The following GLRB variants were observed in gnomAD, a reference collection of about 807,000 sequenced individuals.
GLRB encodes the protein glycine receptor subunit beta.
In GLRB, 33 loss-of-function variants were observed where a neutral mutation model predicts 54.2. That is an observed-to-expected ratio of 0.61 (90% confidence interval 0.46 to 0.81). GLRB has a LOEUF of 0.81. Among genes scored for constraint, GLRB ranks in the 40% least tolerant of loss-of-function variants. GLRB has a pLI of 0.00. For missense variants in GLRB, 572 were observed against 584.6 expected (o/e 0.98, Z 0.22); for synonymous variants, 209 against 208.2 (o/e 1.00, Z -0.03).
At chr4:157,104,819 T>C (rs1735161343) in intron 2 of GLRB, among the ~76,000 whole-genome samples, 1 of 152,006 alleles carries the variant, frequency 6.6e-6, no homozygotes, top group Non-Finnish European at 1.5e-5. Flanking sequence ...TCATTTCTTC[T>C]AGATTATCCA....
intron 8 of GLRB, among the ~76,000 whole-genome samples, chr4:157,145,979 G>A (rs1050482767): frequency 3.3e-5 from 5 of 152,026 alleles, no homozygotes; most frequent in Admixed American, 6.6e-5. Context: ...CAGCGATGAG[G>A]GGTGGACTAT....
chr4:157,099,694 C>T (rs1734946098), intron 2 of GLRB, among the ~76,000 whole-genome samples: 3 of 152,066 alleles, frequency 2.0e-5, no homozygotes. Context: ...ATCTGTTGGG[C>T]ACATATCCAA....
At chr4:157,158,448 A>G (rs1006643112) in intron 9 of GLRB, among the ~76,000 whole-genome samples, 1 of 151,984 alleles carries the variant, frequency 6.6e-6, no homozygotes, top group South Asian at 2.1e-4. Flanking sequence ...TTTCTTCTAG[A>G]GTTTTTATGA....
At chr4:157,154,991 T>C (rs995066633) in intron 9 of GLRB, among the ~76,000 whole-genome samples, 2 of 152,222 alleles carry the variant, frequency 1.3e-5, no homozygotes, top group East Asian at 3.8e-4. Flanking sequence ...AGCCACATTA[T>C]AGTTTTTGCA....
chr4:157,087,481 C>T (rs1024776730), intron 2 of GLRB, among the ~76,000 whole-genome samples: 4 of 151,984 alleles, frequency 2.6e-5, no homozygotes, highest in Non-Finnish European at 4.4e-5. Flanking sequence ...TGATACAATG[C>T]GGTTTTGTTT....
intron 8 of GLRB, among the ~76,000 whole-genome samples, chr4:157,149,656 TAAC>T (rs1303024690): frequency 2.6e-5 from 4 of 152,066 alleles, no homozygotes; most frequent in Non-Finnish European, 5.9e-5. Context: ...TTCATTTTAT[TAAC>T]AACAATTTCA....
intron 9 of GLRB, among the ~76,000 whole-genome samples, chr4:157,158,035 G>A (rs1737304050): frequency 6.6e-6 from 1 of 152,108 alleles, no homozygotes; most frequent in African/African-American, 2.4e-5. Flanking sequence ...CATTCTAACT[G>A]GTGTGAAATG....
At chr4:157,153,635 G>A (rs771604271) in intron 9 of GLRB, among the ~76,000 whole-genome samples, 5 of 152,156 alleles carry the variant, frequency 3.3e-5, no homozygotes, top group Admixed American at 2.0e-4. Context: ...AATTAATTAT[G>A]GGTTTAAGAA....
At chr4:157,116,924 C>T (rs1221491347) in intron 2 of GLRB, among the ~76,000 whole-genome samples, 2 of 151,430 alleles carry the variant, frequency 1.3e-5, no homozygotes, top group Admixed American at 6.6e-5. Context: ...AGAAAAGGGG[C>T]CATATGATAT....
intron 6 of GLRB, among the ~76,000 whole-genome samples, chr4:157,137,362 A>C (rs541921584): frequency 6.6e-6 from 1 of 152,100 alleles, no homozygotes; most frequent in Admixed American, 6.5e-5. Context: ...TTGATCATAT[A>C]TTTTTCATTT....
chr4:157,098,782 A>G (rs1734909779), intron 2 of GLRB, among the ~76,000 whole-genome samples: 2 of 151,280 alleles, frequency 1.3e-5, no homozygotes, highest in Non-Finnish European at 2.9e-5. Flanking sequence ...TTTTTTTTGT[A>G]TTTTTAATAG....
At chr4:157,159,818 G>T (rs1046624426) in intron 9 of GLRB, among the ~76,000 whole-genome samples, 3 of 152,124 alleles carry the variant, frequency 2.0e-5, no homozygotes, top group Admixed American at 6.5e-5. Context: ...GCTCTGCCAG[G>T]CTTTGGTATC....
chr4:157,152,189 A>G lies in GLRB; in HGVS notation c.905-529A>G, dbSNP rs769660407. Among the ~76,000 whole-genome samples, 141 of 152,280 alleles carry G rather than the reference A, an allele frequency of 9.3e-4. 1 individual carries two copies. The highest frequency in any genetic ancestry group is 6.5e-4 in the Admixed American group (10 of 15,286). Reference sequence around the variant, plus strand: ...CCTTTCTTTGGAAATCTGGAATCATATGTTCTCCCTAAACAGGAATATTTC... The same window carrying G: ...CCTTTCTTTGGAAATCTGGAATCATGTGTTCTCCCTAAACAGGAATATTTC... On this transcript the variant is annotated intron_variant, in intron 8 of 9. Coordinates refer to ENST00000264428, the MANE Select transcript of GLRB (RefSeq NM_000824.5).
intron 8 of GLRB, among the ~76,000 whole-genome samples, chr4:157,149,635 T>C (rs544272063): frequency 2.0e-5 from 3 of 152,208 alleles, no homozygotes; most frequent in Admixed American, 2.0e-4. Flanking sequence ...AGTAGTACTT[T>C]TAAATGAATT....
In GLRB at chr4:157,093,791, C is replaced by T. The variant is rs1452684011; in HGVS notation, c.122+15645C>T. 4.7e-5 allele frequency among the ~76,000 whole-genome samples: 7 copies of T among 150,300 alleles called. No homozygotes were observed. The Admixed American group carries it at 4.7e-4, about 10-fold the overall frequency. On this transcript the variant is annotated intron_variant, in intron 2 of 9. Coordinates refer to ENST00000264428, the MANE Select transcript of GLRB (RefSeq NM_000824.5). Reference sequence around the variant, plus strand: ...AAAAAAAAAAAAATACATGGTTCCCCTTGGCTCTGCTTTCAAGGGATAAAA... The same window carrying T: ...AAAAAAAAAAAAATACATGGTTCCCTTTGGCTCTGCTTTCAAGGGATAAAA...
intron 2 of GLRB, among the ~76,000 whole-genome samples, chr4:157,109,732 C>T (rs184303736): frequency 2.0e-5 from 3 of 152,070 alleles, no homozygotes; most frequent in African/African-American, 7.2e-5. Flanking sequence ...TGATCATGTC[C>T]TTGGGTTTGA....
At chr4:157,131,699 G>C (rs1272919616) in intron 4 of GLRB, among the ~76,000 whole-genome samples, 1 of 151,698 alleles carries the variant, frequency 6.6e-6, no homozygotes, top group South Asian at 2.1e-4. Context: ...TTTCAGATTA[G>C]CTTCTTTCAC....
chr4:157,140,333 A>G (rs1470607210), intron 7 of GLRB, among the ~76,000 whole-genome samples: 1 of 151,956 alleles, frequency 6.6e-6, no homozygotes, highest in Non-Finnish European at 1.5e-5. Flanking sequence ...CAGAGTGAAT[A>G]CATTACTTAT....
Position 157,163,829 on chromosome 4 carries a change from A to AGTGTGTGTGTGTGTGTGTGTGTGT in GLRB, c.1198-6602_1198-6579dup, listed in dbSNP as rs3054934. ...CTCCCTTTTATAGTCTGTCTGTGTG[A>AGTGTGTGTGTGTGTGTGTGTGTGT]GTGTGTGTGTGTGTGTGTGTGTGTT... On this transcript the variant is annotated intron_variant, in intron 9 of 9. Transcript: ENST00000264428. 4.5e-3 allele frequency among the ~76,000 whole-genome samples: 664 copies of AGTGTGTGTGTGTGTGTGTGTGTGT among 146,358 alleles called. 9 individuals carry two copies. The highest frequency in any genetic ancestry group is 0.016 in the African/African-American group (639 of 39,362).
Sources: gnomAD v4.1 joint callset for allele counts (sites outside exome capture counted in the v4.1 genomes callset) on GRCh38, gnomAD v4.1.1 for gene constraint, MANE v1.5 for transcripts, NCBI Gene and HGNC (gene_info 2026-07-23, HGNC 2026-07-21) for gene names.